GREB1L: variants seen among roughly 807,000 people sequenced by gnomAD.
GREB1L encodes the protein GREB1 like retinoic acid receptor coactivator, also known as GREB1-like protein.
In GREB1L, 17 loss-of-function variants were observed where a neutral mutation model predicts 200.8. That is an observed-to-expected ratio of 0.08 (90% confidence interval 0.06 to 0.13). The LOEUF (loss-of-function observed/expected upper bound fraction) is 0.13. GREB1L is among the 10% of genes least tolerant of loss of function. The pLI is 1.00. For missense variants in GREB1L, 1,657 were observed against 2,367.7 expected (o/e 0.70, Z 6.23); for synonymous variants, 789 against 893.0 (o/e 0.88, Z 2.08).
intron 1 of GREB1L, among the ~76,000 whole-genome samples, chr18:21,291,418 G>A (rs1353089445): frequency 2.0e-5 from 3 of 152,160 alleles, no homozygotes; most frequent in East Asian, 1.9e-4. Flanking sequence ...GACATGTGGG[G>A]CATTTCCATG....
In GREB1L at chr18:21,458,405, T is replaced by C. The variant is rs183587655; in HGVS notation, c.2182+3842T>C. On this transcript the variant is annotated intron_variant, in intron 15 of 32. Transcript: ENST00000424526. ...AAGAGATGGGCAGAAGGAGAAACAG[T>C]GTCCAAGGTCTCTGTGTCCTGGTTC... 2.6e-4 allele frequency among the ~76,000 whole-genome samples: 40 copies of C among 152,302 alleles called. 1 individual carries two copies. The East Asian group carries it at 7.7e-3, about 29-fold the overall frequency.
At chr18:21,408,893 T>C (rs1346279286) in intron 7 of GREB1L, among the ~76,000 whole-genome samples, 1 of 151,498 alleles carries the variant, frequency 6.6e-6, no homozygotes, top group African/African-American at 2.4e-5. Context: ...TGTGGAGAAG[T>C]GGGAACCATT....
intron 19 of GREB1L, among the ~76,000 whole-genome samples, chr18:21,494,729 T>A (rs1414181905): frequency 6.6e-6 from 1 of 152,130 alleles, no homozygotes; most frequent in Non-Finnish European, 1.5e-5. Flanking sequence ...GCTAGAAAGG[T>A]AGTAAAAAGT....
chr18:21,355,593 C>G (rs1320651382), intron 1 of GREB1L, among the ~76,000 whole-genome samples: 4 of 152,284 alleles, frequency 2.6e-5, no homozygotes, highest in African/African-American at 9.6e-5. Context: ...AGACTAAACC[C>G]TGTGGAACAC....
chr18:21,463,801 T>C (rs1447935704), intron 15 of GREB1L, among the ~76,000 whole-genome samples: 3 of 152,204 alleles, frequency 2.0e-5, no homozygotes, highest in Non-Finnish European at 4.4e-5. Context: ...AACTCGTATC[T>C]GTGAGCACAT....
chr18:21,491,865 C>T (rs2036351381), intron 19 of GREB1L, among the ~76,000 whole-genome samples: 1 of 151,988 alleles, frequency 6.6e-6, no homozygotes, highest in Non-Finnish European at 1.5e-5. Context: ...ATAGAAACTC[C>T]TAAATTTAGA....
intron 27 of GREB1L, among the ~76,000 whole-genome samples, chr18:21,510,447 T>G (rs1463844644): frequency 6.6e-6 from 1 of 152,210 alleles, no homozygotes; most frequent in Non-Finnish European, 1.5e-5. Context: ...GTATTTGTCC[T>G]TTAGTGACTG....
chr18:21,521,515 G>T (rs1025999472), intron 32 of GREB1L, among the ~76,000 whole-genome samples: 1 of 152,132 alleles, frequency 6.6e-6, no homozygotes, highest in African/African-American at 2.4e-5. Context: ...GGGGTTGTGC[G>T]GGGACTGTGC....
At chr18:21,302,897 A>G (rs1299301782) in intron 1 of GREB1L, among the ~76,000 whole-genome samples, 2 of 151,824 alleles carry the variant, frequency 1.3e-5, no homozygotes, top group African/African-American at 4.8e-5. Context: ...AATTTTTTGT[A>G]TTTTTAGTAG....
intron 7 of GREB1L, among the ~76,000 whole-genome samples, chr18:21,433,373 A>T (rs2033306725): frequency 6.6e-6 from 1 of 152,208 alleles, no homozygotes; most frequent in Admixed American, 6.5e-5. Flanking sequence ...CAAATTAGGG[A>T]TATGCTAAAA....
chr18:21,351,592 A>C (rs1321665796), intron 1 of GREB1L, among the ~76,000 whole-genome samples: 2 of 151,816 alleles, frequency 1.3e-5, no homozygotes, highest in African/African-American at 4.8e-5. Flanking sequence ...AAAAAGGCAC[A>C]GAGATGGATA....
intron 1 of GREB1L, among the ~76,000 whole-genome samples, chr18:21,296,659 GTT>G (rs796685028): frequency 7.0e-6 from 1 of 142,008 alleles, no homozygotes; most frequent in Admixed American, 7.1e-5. Context: ...TTTGTTTTTT[GTT>G]TTTTTTTTTT....
intron 27 of GREB1L, among the ~76,000 whole-genome samples, chr18:21,510,682 A>C (rs576273303): frequency 2.6e-5 from 4 of 152,294 alleles, no homozygotes; most frequent in Admixed American, 2.6e-4. Context: ...CCCTTATTTC[A>C]ACTCTTCTGG....
chr18:21,525,343 G>GTCTT lies in GREB1L; in HGVS notation c.*2523_*2526dup, dbSNP rs1271189445. 1.3e-5 allele frequency: 2 copies of GTCTT among 152,076 alleles called. No individual in the cohort carries two copies. The highest frequency in any genetic ancestry group is 4.8e-5 in the African/African-American group (2 of 41,428). The allele number at this position is 152,076 out of a possible 1,614,324, so 9.4% of individuals were successfully genotyped here. ...CACATTTTGTTAATGATTCAAAATT[G>GTCTT]TCTTGTGTCTACTGTTATATTTTTG... On this transcript the variant is annotated 3_prime_UTR_variant, in exon 33 of 33. Transcript: ENST00000424526.
At chr18:21,269,367 C>T (rs1266111786) in intron 1 of GREB1L, among the ~76,000 whole-genome samples, 2 of 152,184 alleles carry the variant, frequency 1.3e-5, no homozygotes, top group East Asian at 1.9e-4. Context: ...CCTTTCTTCT[C>T]AAAGATGTTT....
intron 1 of GREB1L, among the ~76,000 whole-genome samples, chr18:21,268,504 T>TATATACATATATAC (rs1317929407): frequency 7.9e-6 from 1 of 126,454 alleles, no homozygotes; most frequent in East Asian, 2.2e-4. Flanking sequence ...TATATACATA[T>TATATACATATATAC]ATATATGTAT....
At chr18:21,501,345 A>C (rs369871689) in intron 23 of GREB1L, among the ~76,000 whole-genome samples, 19 of 151,696 alleles carry the variant, frequency 1.3e-4, no homozygotes, top group African/African-American at 4.6e-4. Context: ...TGCTGCACCT[A>C]CCAACCCGTC....
At chr18:21,382,025 C>CA (rs1365420587) in intron 2 of GREB1L, among the ~76,000 whole-genome samples, 2 of 151,366 alleles carry the variant, frequency 1.3e-5, no homozygotes, top group African/African-American at 2.4e-5. Context: ...CAGCTTTGAA[C>CA]AAAAAAAAAT....
rs2037670336 is a variant in GREB1L, at chr18:21,525,504, G to GAAGTC, written c.*2685_*2689dup. On this transcript the variant is annotated 3_prime_UTR_variant, in exon 33 of 33. Transcript: ENST00000424526. ...CTCTGGCAATGTCCTAAAAAGGCTG[G>GAAGTC]AAGTCAGTCACATTATAGGTTGGAC... is the stretch of plus-strand genomic sequence containing the variant. 1 of 152,142 alleles carries GAAGTC rather than the reference G, an allele frequency of 6.6e-6. No individual in the cohort carries two copies. The highest frequency in any genetic ancestry group is 2.4e-5 in the African/African-American group (1 of 41,426). 9.4% of individuals were successfully genotyped at this position (152,142 alleles called of 1,614,324 possible). A position where few individuals can be genotyped will look rare whatever the true frequency, so the allele number is the denominator to read the frequency against.
Sources: gnomAD v4.1 joint callset for allele counts (sites outside exome capture counted in the v4.1 genomes callset) on GRCh38, gnomAD v4.1.1 for gene constraint, MANE v1.5 for transcripts, NCBI Gene and HGNC (gene_info 2026-07-23, HGNC 2026-07-21) for gene names.